The following EPB41L4A variants were observed in gnomAD, a reference collection of about 807,000 sequenced individuals.
EPB41L4A encodes band 4.1-like protein 4A.
A neutral mutation model predicts 108.6 loss-of-function variants in EPB41L4A; 100 were observed. The observed-to-expected ratio is 0.92, with a 90% confidence interval of 0.78 to 1.09. EPB41L4A has a LOEUF of 1.09. Ranked by LOEUF, EPB41L4A falls within the 50% of genes least tolerant of loss-of-function variation. The pLI, the probability that EPB41L4A is intolerant of heterozygous loss-of-function variation, is 0.00. For missense variants in EPB41L4A, 1,030 were observed against 842.7 expected (o/e 1.22, Z -2.75); for synonymous variants, 319 against 289.0 (o/e 1.10, Z -1.05).
chr5:112,182,182 T>C (rs957959781), intron 18 of EPB41L4A, among the ~76,000 whole-genome samples: 2 of 152,156 alleles, frequency 1.3e-5, no homozygotes, highest in Non-Finnish European at 2.9e-5. Flanking sequence ...GCAGGATGGA[T>C]AGGTTATGGA....
Position 112,339,502 on chromosome 5 carries a change from A to ATATATATCTATATCTATATC in EPB41L4A, c.100-32013_100-32012insGATATAGATATAGATATATA, listed in dbSNP as rs1757149078. Among the ~76,000 whole-genome samples the ATATATATCTATATCTATATC allele has an allele frequency of 3.9e-5, 4 of 102,496 alleles. No individual in the cohort carries two copies. In the East Asian group the frequency reaches 8.8e-4, roughly 22 times the overall value. 67.2% of individuals were successfully genotyped at this position (102,496 alleles called of 152,430 possible). On this transcript the variant is annotated intron_variant, in intron 1 of 22. Coordinates refer to ENST00000261486, the MANE Select transcript of EPB41L4A (RefSeq NM_022140.5). ...TATATATATATATATATATCTATAT[A>ATATATATCTATATCTATATC]TATATATAGATATATAGATATATAT...
chr5:112,222,713 T>A (rs903610960), intron 12 of EPB41L4A, among the ~76,000 whole-genome samples: 2 of 152,190 alleles, frequency 1.3e-5, no homozygotes, highest in Admixed American at 6.5e-5. Context: ...AAAGGCTTGG[T>A]TGTCCCCAGA....
At position 112,165,075 on chromosome 5, in the gene EPB41L4A, TGAG is replaced by T; in HGVS notation, c.1973_1975del (p.Pro658del). On this transcript the variant is annotated inframe_deletion, in exon 23 of 23. Transcript: ENST00000261486. ...TCCAGCCAGGTTGTTTGTAGATGTC[TGAG>T]GTTTTTCTTCCATCAGGCTATCTTT... 6.8e-6 allele frequency: 11 copies of T among 1,612,852 alleles called. No individual in the cohort carries two copies. Among genetic ancestry groups the T allele is most frequent in the Non-Finnish European group, 7.6e-6 (9 of 1,179,358 alleles).
chr5:112,309,480 G>C (rs928346252), intron 1 of EPB41L4A, among the ~76,000 whole-genome samples: 4 of 152,008 alleles, frequency 2.6e-5, no homozygotes, highest in African/African-American at 9.7e-5. Flanking sequence ...TAGATACTAA[G>C]ATATTTACAA....
chr5:112,257,505 T>C (rs577304957), intron 9 of EPB41L4A, among the ~76,000 whole-genome samples: 159 of 152,272 alleles, frequency 1.0e-3, no homozygotes, highest in Non-Finnish European at 2.0e-3. Context: ...GAGACTGTCA[T>C]TTGAAAAATA....
chr5:112,239,228 T>C (rs907995929), intron 11 of EPB41L4A, among the ~76,000 whole-genome samples: 4 of 152,240 alleles, frequency 2.6e-5, no homozygotes, highest in African/African-American at 9.6e-5. Flanking sequence ...CATTACTACA[T>C]GCAGGCTTCA....
At chr5:112,166,557 C>T (rs1760262355) in intron 22 of EPB41L4A, among the ~76,000 whole-genome samples, 1 of 136,244 alleles carries the variant, frequency 7.3e-6, no homozygotes, top group African/African-American at 2.9e-5. Context: ...CAGGTCTCAG[C>T]TTTAAATGCC....
intron 3 of EPB41L4A, 104 bp from the exon 4 acceptor site, chr5:112,275,508 A>C (rs1752569242): frequency 1.6e-6 from 2 of 1,286,104 alleles, no homozygotes; most frequent in Non-Finnish European, 2.1e-6. Context: ...AGATTGTCTA[A>C]AGAAACAAGA....
At chr5:112,307,577 T>C in intron 1 of EPB41L4A, 87 bp from the exon 2 acceptor site, 1 of 793,870 alleles carries the variant, frequency 1.3e-6, no homozygotes, top group African/African-American at 1.7e-5. Context: ...TTTATTAGTT[T>C]CACTCACAAT....
chr5:112,298,360 C>T (rs957023154), intron 2 of EPB41L4A, among the ~76,000 whole-genome samples: 1 of 152,032 alleles, frequency 6.6e-6, no homozygotes, highest in African/African-American at 2.4e-5. Flanking sequence ...GTATGTCCCT[C>T]GTATGCCAAT....
intron 1 of EPB41L4A, among the ~76,000 whole-genome samples, chr5:112,325,506 G>A (rs895423318): frequency 3.3e-5 from 5 of 151,360 alleles, no homozygotes; most frequent in Non-Finnish European, 7.4e-5. Flanking sequence ...TGCCCATAAA[G>A]TACTTTAGCT....
rs1356104495 is a variant in EPB41L4A at position 112,163,745 on chromosome 5, G to A, written c.*1245C>T. The A allele has an allele frequency of 6.6e-6, 1 of 152,184 alleles. No homozygotes were observed. Among genetic ancestry groups the A allele is most frequent in the African/African-American group, 2.4e-5 (1 of 41,428 alleles). The allele number at this position is 152,184 out of a possible 1,614,324, so 9.4% of individuals were successfully genotyped here. A position where few individuals can be genotyped will look rare whatever the true frequency, so the allele number is the denominator to read the frequency against. On this transcript the variant is annotated 3_prime_UTR_variant, in exon 23 of 23. Transcript: ENST00000261486. ...GAGAGGAAAATCTTAGTTGCTTGGC[G>A]GGAGGGGGTTTGTGGTTGTGAAAGA...
intron 12 of EPB41L4A, among the ~76,000 whole-genome samples, chr5:112,233,254 C>A (rs1348742054): frequency 6.6e-6 from 1 of 152,072 alleles, no homozygotes; most frequent in Non-Finnish European, 1.5e-5. Flanking sequence ...GTTCAGGAAA[C>A]TGACAAATTA....
At chr5:112,160,188 G>T (rs1759804704), downstream of EPB41L4A, among the ~76,000 whole-genome samples, 1 of 152,106 alleles carries the variant, frequency 6.6e-6, no homozygotes, top group Admixed American at 6.5e-5. Context: ...GGGATTACAG[G>T]CATGAGCCAC....
intron 9 of EPB41L4A, among the ~76,000 whole-genome samples, chr5:112,256,540 CA>C (rs1751111106): frequency 6.6e-6 from 1 of 151,914 alleles, no homozygotes; most frequent in African/African-American, 2.4e-5. Context: ...ATTCTCCTAT[CA>C]AAAACCAGTT....
At chr5:112,332,408 C>A (rs1756627451) in intron 1 of EPB41L4A, among the ~76,000 whole-genome samples, 1 of 152,180 alleles carries the variant, frequency 6.6e-6, no homozygotes, top group Non-Finnish European at 1.5e-5. Context: ...GCCCATGTCA[C>A]CATTAGTGGT....
intron 1 of EPB41L4A, among the ~76,000 whole-genome samples, chr5:112,382,977 A>G (rs1318759626): frequency 6.6e-6 from 1 of 152,196 alleles, no homozygotes; most frequent in Admixed American, 6.5e-5. Context: ...ACAAGTTGTA[A>G]GAAGCCAGCA....
intron 2 of EPB41L4A, among the ~76,000 whole-genome samples, chr5:112,305,711 T>G (rs565050842): frequency 6.6e-6 from 1 of 152,268 alleles, no homozygotes; most frequent in South Asian, 2.1e-4. Flanking sequence ...TGTTTACAAA[T>G]CATCTCTATT....
At chr5:112,306,853 A>T (rs1305312383) in intron 2 of EPB41L4A, among the ~76,000 whole-genome samples, 1 of 152,174 alleles carries the variant, frequency 6.6e-6, no homozygotes, top group Non-Finnish European at 1.5e-5. Context: ...CAACTGACAT[A>T]AGAACTAAAA....
Sources: allele counts gnomAD v4.1 joint callset (sites outside exome capture counted in the v4.1 genomes callset), GRCh38; gene constraint gnomAD v4.1.1; transcripts MANE v1.5; gene names NCBI Gene and HGNC (gene_info 2026-07-23, HGNC 2026-07-21).